PLCB4: variants seen among roughly 807,000 people sequenced by gnomAD.
The protein encoded by PLCB4 is 1-phosphatidylinositol 4,5-bisphosphate phosphodiesterase beta-4.
A neutral mutation model predicts 178.8 loss-of-function variants in PLCB4; 77 were observed. The ratio of observed to expected loss-of-function variants is 0.43; its 90% CI spans 0.36 to 0.52. The LOEUF is 0.52. PLCB4 is among the 20% of genes least tolerant of loss of function. The probability of loss-of-function intolerance (pLI) is 0.00; values close to 1 mark genes in which losing one functional copy is unlikely to be tolerated. For missense variants in PLCB4, 1,024 were observed against 1,453.4 expected, an observed-to-expected ratio of 0.70 and a Z score of 4.80; for synonymous variants, 496 against 490.8, an observed-to-expected ratio of 1.01 and a Z score of -0.14.
intron 36 of PLCB4, among the ~76,000 whole-genome samples, chr20:9,469,976 T>C (rs971238602): frequency 6.6e-6 from 1 of 152,146 alleles, no homozygotes; most frequent in African/African-American, 2.4e-5. Flanking sequence ...GGGTTCCTTC[T>C]TTTGGGGGAA....
intron 39 of PLCB4, 88 bp downstream of exon 39, chr20:9,476,841 T>A: frequency 1.2e-6 from 1 of 862,850 alleles, no homozygotes; most frequent in South Asian, 1.4e-5. Context: ...ATGAGTCACA[T>A]CTGGTCATAA....
intron 2 of PLCB4, among the ~76,000 whole-genome samples, chr20:9,103,093 C>T (rs890524762): frequency 6.7e-6 from 1 of 148,844 alleles, no homozygotes; most frequent in African/African-American, 2.5e-5. Context: ...GGCGGGATCT[C>T]GGCTCACTGC....
chr20:9,192,628 A>G (rs918075311), intron 2 of PLCB4, among the ~76,000 whole-genome samples: 2 of 144,510 alleles, frequency 1.4e-5, no homozygotes, highest in African/African-American at 5.2e-5. Flanking sequence ...CAGGGTCTCC[A>G]TAGGGAGGCC....
chr20:9,294,950 CAA>C (rs1601664940), intron 3 of PLCB4, among the ~76,000 whole-genome samples: 1 of 152,100 alleles, frequency 6.6e-6, no homozygotes, highest in South Asian at 2.1e-4. Flanking sequence ...AGAAATAACT[CAA>C]AGAGTATTCC....
intron 3 of PLCB4, among the ~76,000 whole-genome samples, chr20:9,295,092 C>CA (rs2094618832): frequency 6.6e-6 from 1 of 152,094 alleles, no homozygotes; most frequent in African/African-American, 2.4e-5. Context: ...GTTAAGAACC[C>CA]CTTGAAAGAT....
At chr20:9,363,834 A>G (rs1770554361) in intron 8 of PLCB4, among the ~76,000 whole-genome samples, 1 of 152,230 alleles carries the variant, frequency 6.6e-6, no homozygotes, top group African/African-American at 2.4e-5. Flanking sequence ...CCCAGCACCA[A>G]GAGTGTGATT....
At chr20:9,147,203 G>A (rs1304557149) in intron 2 of PLCB4, among the ~76,000 whole-genome samples, 1 of 152,128 alleles carries the variant, frequency 6.6e-6, no homozygotes, top group Non-Finnish European at 1.5e-5. Context: ...GTTAGACAAA[G>A]TTAAATAGAC....
Position 9,373,073 on chromosome 20 carries a change from C to A in PLCB4, c.713C>A (p.Thr238Lys). 1 of 1,540,306 alleles carries A rather than the reference C, an allele frequency of 6.5e-7. No individual in the cohort carries two copies. The highest frequency in any genetic ancestry group is 9.0e-7 in the Non-Finnish European group (1 of 1,114,836). ...KINGDKTDYL[T>K]VDQLVSFLNE... ...AATGGAGACAAAACTGATTATTTAA[C>A]GGTAGACCAATTAGTGAGCTTTCTA... Residue 238 changes from threonine (T) to lysine (K), a missense_variant, in exon 12 of 40, where the codon ACG (threonine) becomes AAG (lysine). By Grantham distance (78) the Thr-to-Lys change is moderately conservative. This residue lies in a region of PLCB4 where 225 missense variants were observed against 291.0 expected (regional missense o/e 0.77). Coordinates refer to ENST00000378473, the MANE Select transcript of PLCB4 (RefSeq NM_001377142.1).
chr20:9,222,180 C>T (rs541184876), intron 3 of PLCB4, among the ~76,000 whole-genome samples: 2 of 151,654 alleles, frequency 1.3e-5, no homozygotes, highest in East Asian at 3.9e-4. Context: ...CCCTGGAACT[C>T]CTGGGCTCAA....
rs768692260 is a variant in PLCB4, at chr20:9,437,117, C to A, written c.2729C>A (p.Thr910Lys). The part of the protein sequence containing the change: ...QSSSELRPTT[T>K]AALASGVEAK... The stretch of plus-strand genomic sequence containing the variant: ...AGCTCTGAGCTCAGACCAACCACCA[C>A]GGCTGCCCTGGCCTCTGGTGTGGAA... Residue 910 changes from threonine to lysine, a missense_variant, in exon 30 of 40, where the codon ACG (threonine) becomes AAG (lysine). Around this residue, in one of 7 missense-constraint regions of PLCB4, gnomAD observed 227 missense variants for 374.3 expected, o/e 0.61. Coordinates refer to ENST00000378473, the MANE Select transcript of PLCB4 (RefSeq NM_001377142.1). 1 of 1,614,110 alleles carries A rather than the reference C, an allele frequency of 6.2e-7. No individual in the cohort carries two copies. The highest frequency in any genetic ancestry group is 1.1e-5 in the South Asian group (1 of 91,080).
Position 9,432,932 on chromosome 20 carries a change from A to AGCACC in PLCB4, c.2525-2627_2525-2623dup, listed in dbSNP as rs369969388. 9.4e-3 allele frequency among the ~76,000 whole-genome samples: 1,437 copies of AGCACC among 152,340 alleles called. 19 individuals carry two copies. Among genetic ancestry groups the AGCACC allele is most frequent in the African/African-American group, 0.033 (1,364 of 41,568 alleles). ...ACACTACTGACTGAAGAGAGATGTC[A>AGCACC]GCACCATCAGCACCACTAAAAGTAA... On this transcript the variant is annotated intron_variant, in intron 28 of 39. Transcript: ENST00000378473.
At chr20:9,426,870 CAG>C (rs1290950492) in intron 28 of PLCB4, among the ~76,000 whole-genome samples, 2 of 152,036 alleles carry the variant, frequency 1.3e-5, no homozygotes, top group Non-Finnish European at 2.9e-5. Flanking sequence ...GCTGAGGAAA[CAG>C]AGTTAGGAAT....
At chr20:9,208,493 G>A (rs183648476) in intron 2 of PLCB4, among the ~76,000 whole-genome samples, 106 of 151,934 alleles carry the variant, frequency 7.0e-4, no homozygotes, top group African/African-American at 2.5e-3. Context: ...CCATGTACTA[G>A]TGGATATATT....
chr20:9,210,956 T>C (rs1481632258), intron 2 of PLCB4, among the ~76,000 whole-genome samples: 3 of 152,232 alleles, frequency 2.0e-5, no homozygotes, highest in African/African-American at 7.2e-5. Context: ...ATAAACATAT[T>C]AATACCTTAC....
chr20:9,193,064 T>C (rs905798766), intron 2 of PLCB4, among the ~76,000 whole-genome samples: 1 of 152,210 alleles, frequency 6.6e-6, no homozygotes, highest in African/African-American at 2.4e-5. Flanking sequence ...GAAAGTTAAC[T>C]ATGCATGTTC....
At chr20:9,171,002 C>T (rs762484306) in intron 2 of PLCB4, among the ~76,000 whole-genome samples, 17 of 152,158 alleles carry the variant, frequency 1.1e-4, no homozygotes, top group South Asian at 2.1e-4. Flanking sequence ...AGTTCTTTGA[C>T]GGTACCATGA....
rs570910127 is a variant in PLCB4, at chr20:9,293,195, G to A, written c.-15-14605G>A. Among the ~76,000 whole-genome samples, 4 of 150,622 alleles carry A rather than the reference G, an allele frequency of 2.7e-5. No individual in the cohort carries two copies. In the East Asian group the frequency reaches 7.8e-4, roughly 29 times the overall value. On this transcript the variant is annotated intron_variant, in intron 3 of 39. Coordinates refer to ENST00000378473, the MANE Select transcript of PLCB4 (RefSeq NM_001377142.1). ...ATGGAAAGGAAAGGAAAGGGGAAAG[G>A]GAAAGAAGAATGAAGGAAGGAAGGA...
At chr20:9,253,368 C>T (rs2094200711) in intron 3 of PLCB4, among the ~76,000 whole-genome samples, 1 of 152,172 alleles carries the variant, frequency 6.6e-6, no homozygotes, top group Non-Finnish European at 1.5e-5. Context: ...CCTCATTCTT[C>T]ACCTTCCTCG....
intron 33 of PLCB4, among the ~76,000 whole-genome samples, chr20:9,456,553 G>A (rs1260404425): frequency 2.0e-5 from 3 of 152,168 alleles, no homozygotes; most frequent in Admixed American, 1.3e-4. Context: ...GCCCTCAGAT[G>A]AGAGTGTTGA....
Sources: allele counts gnomAD v4.1 joint callset (sites outside exome capture counted in the v4.1 genomes callset), GRCh38; gene constraint gnomAD v4.1.1; regional missense constraint gnomAD v4.1.1; transcripts MANE v1.5; gene names NCBI Gene and HGNC (gene_info 2026-07-23, HGNC 2026-07-21).